The following FIG4 variants were observed in gnomAD, a reference collection of about 807,000 sequenced individuals.
FIG4 encodes the protein polyphosphoinositide phosphatase.
Under a neutral mutation model 118.6 loss-of-function variants are expected in FIG4, and 112 were observed. The ratio of observed to expected loss-of-function variants is 0.94; its 90% CI spans 0.81 to 1.11. FIG4 has a LOEUF of 1.11. Among genes scored for constraint, FIG4 ranks in the 50% least tolerant of loss-of-function variants. FIG4 has a pLI of 0.00. For missense variants in FIG4, 969 were observed against 1,111.7 expected (o/e 0.87, Z 1.83); for synonymous variants, 369 against 381.2 (o/e 0.97, Z 0.37).
intron 3 of FIG4, among the ~76,000 whole-genome samples, chr6:109,722,216 T>A (rs367676580): frequency 6.6e-6 from 1 of 151,732 alleles, no homozygotes; most frequent in Non-Finnish European, 1.5e-5. Context: ...TTTAGTGAGG[T>A]CATTTTTGGC....
At chr6:109,708,717 C>G (rs1775166422) in intron 1 of FIG4, among the ~76,000 whole-genome samples, 1 of 152,106 alleles carries the variant, frequency 6.6e-6, no homozygotes, top group Non-Finnish European at 1.5e-5. Context: ...CTCTAATAAT[C>G]AGTGATGCAG....
At chr6:109,711,263 G>A (rs185718554) in intron 1 of FIG4, among the ~76,000 whole-genome samples, 9 of 152,196 alleles carry the variant, frequency 5.9e-5, no homozygotes, top group East Asian at 5.8e-4. Flanking sequence ...TTAGCTGGAC[G>A]TGGTGGCAGG....
At chr6:109,806,402 G>C (rs1015579719) in intron 22 of FIG4, among the ~76,000 whole-genome samples, 2 of 151,980 alleles carry the variant, frequency 1.3e-5, no homozygotes, top group Non-Finnish European at 2.9e-5. Context: ...AGATACAAAG[G>C]GATAATCACA....
At position 109,716,515 on chromosome 6, in the gene FIG4, G is replaced by A. The variant is rs763255765; in HGVS notation, c.236G>A (p.Gly79Glu). 1.2e-6 allele frequency: 2 copies of A among 1,613,918 alleles called. No individual in the cohort carries two copies. Among genetic ancestry groups the A allele is most frequent in the Non-Finnish European group, 8.5e-7 (1 of 1,179,856 alleles). ...GATCTTGGAAATAGAACAAAGATGG[G>A]ACAGAAAGGATCCTCGGGCTTATTT... is the stretch of plus-strand genomic sequence containing the variant. ...RLDLGNRTKM[G>E]QKGSSGLFRA... The change falls in exon 3 of 23, where the codon GGA becomes GAA. Residue 79 changes from glycine (G) to glutamate (E), a missense_variant. Around this residue, in one of 3 missense-constraint regions of FIG4, gnomAD observed 393 missense variants for 409.4 expected, o/e 0.96. Coordinates refer to ENST00000230124, the MANE Select transcript of FIG4 (RefSeq NM_014845.6).
intron 7 of FIG4, among the ~76,000 whole-genome samples, chr6:109,739,756 C>CA (rs959217209): frequency 2.0e-4 from 30 of 151,230 alleles, no homozygotes; most frequent in African/African-American, 7.0e-4. Context: ...TAATAATGTA[C>CA]AAAAAAAAAT....
chr6:109,789,518 T>C (rs1323267664), intron 18 of FIG4, 76 bp from the exon 19 acceptor site: 55 of 1,027,100 alleles, frequency 5.4e-5, no homozygotes, highest in Non-Finnish European at 7.7e-5. Context: ...ATTGTAAGAG[T>C]GTGAACTGAG....
chr6:109,791,265 C>T, intron 19 of FIG4, 111 bp from the exon 20 acceptor site: 1 of 898,774 alleles, frequency 1.1e-6, no homozygotes, highest in East Asian at 2.4e-5. Context: ...ACTAGTGTCA[C>T]AGTCATTTTC....
At chr6:109,757,173 G>C (rs989773952) in intron 10 of FIG4, among the ~76,000 whole-genome samples, 2 of 136,486 alleles carry the variant, frequency 1.5e-5, no homozygotes, top group African/African-American at 5.3e-5. Flanking sequence ...TTGATTTTTT[G>C]AAGAGTTTTT....
intron 15 of FIG4, among the ~76,000 whole-genome samples, chr6:109,771,461 C>CTTTTTTTTTTT (rs71018367): frequency 7.0e-5 from 6 of 86,026 alleles, no homozygotes; most frequent in Non-Finnish European, 6.2e-5. Flanking sequence ...TCCTCTAATT[C>CTTTTTTTTTTT]TTTTTTTTTT....
intron 22 of FIG4, among the ~76,000 whole-genome samples, chr6:109,823,258 C>G (rs1779064435): frequency 6.6e-6 from 1 of 152,094 alleles, no homozygotes; most frequent in African/African-American, 2.4e-5. Flanking sequence ...CTCATGCTCT[C>G]TCTATAACCA....
rs934208121 is a variant in FIG4, at chr6:109,749,870, A to T, written c.1137+6098A>T. Among the ~76,000 whole-genome samples the T allele has an allele frequency of 6.1e-4, 93 of 152,340 alleles. 1 individual carries two copies. The highest frequency in any genetic ancestry group is 2.1e-3 in the African/African-American group (87 of 41,584). ...TTGTTCTATTGCAATAAAAATCCTG[A>T]CAATGACTAGAAGTTAGCTACAGAA... On this transcript the variant is annotated intron_variant, in intron 10 of 22. Transcript: ENST00000230124.
At chr6:109,774,075 G>A (rs935519100) in intron 15 of FIG4, among the ~76,000 whole-genome samples, 1 of 152,248 alleles carries the variant, frequency 6.6e-6, no homozygotes, top group South Asian at 2.1e-4. Flanking sequence ...GCCTCCCAAA[G>A]TGCTGGGATT....
At chr6:109,778,995 A>C (rs1387368363) in intron 16 of FIG4, among the ~76,000 whole-genome samples, 1 of 152,178 alleles carries the variant, frequency 6.6e-6, no homozygotes, top group Non-Finnish European at 1.5e-5. Flanking sequence ...ATTCTTATCA[A>C]TGCATATTAT....
intron 22 of FIG4, among the ~76,000 whole-genome samples, chr6:109,812,709 A>G (rs1778754115): frequency 6.6e-6 from 1 of 152,210 alleles, no homozygotes; most frequent in African/African-American, 2.4e-5. Flanking sequence ...TGAATTTAGG[A>G]AAAAATGGCA....
chr6:109,818,777 AAC>A lies in FIG4; in HGVS notation c.2547-6307_2547-6306del, dbSNP rs372372232. Among the ~76,000 whole-genome samples the A allele has an allele frequency of 1.3e-4, 20 of 152,250 alleles. No homozygotes were observed. In the East Asian group the frequency reaches 3.3e-3, roughly 25 times the overall value. On this transcript the variant is annotated intron_variant, in intron 22 of 22. Coordinates refer to ENST00000230124, the MANE Select transcript of FIG4 (RefSeq NM_014845.6). The stretch of plus-strand genomic sequence containing the variant: ...CATCACCTGTGCCACTAATCTGCAA[AAC>A]ACATACCCTGCATCCTGCTGCTTTC...
intron 22 of FIG4, among the ~76,000 whole-genome samples, chr6:109,806,699 T>C (rs1334111571): frequency 1.3e-5 from 2 of 152,184 alleles, no homozygotes; most frequent in South Asian, 2.1e-4. Flanking sequence ...TAGGTATACA[T>C]GTGCCATGGT....
intron 22 of FIG4, among the ~76,000 whole-genome samples, chr6:109,811,100 G>T (rs1778709029): frequency 6.6e-6 from 1 of 152,160 alleles, no homozygotes; most frequent in South Asian, 2.1e-4. Flanking sequence ...CACGTGCAGT[G>T]CTGAGATAAC....
chr6:109,755,634 A>G (rs1776866018), intron 10 of FIG4, among the ~76,000 whole-genome samples: 1 of 152,166 alleles, frequency 6.6e-6, no homozygotes, highest in African/African-American at 2.4e-5. Flanking sequence ...TATTGGGTGC[A>G]TATATATTTA....
chr6:109,760,390 G>A lies in FIG4; in HGVS notation c.1271+7G>A, dbSNP rs1158557424. 6 of 1,610,386 alleles carry A rather than the reference G, an allele frequency of 3.7e-6. No individual in the cohort carries two copies. The highest frequency in any genetic ancestry group is 5.1e-6 in the Non-Finnish European group (6 of 1,177,052). On this transcript the variant is annotated splice_region_variant and intron_variant, in intron 11 of 22. Coordinates refer to ENST00000230124, the MANE Select transcript of FIG4 (RefSeq NM_014845.6). ...TGGCCAAGTATACCAAAAGGTGAAT[G>A]ATACTCATCTGTCTGGCTATGATCG... is the stretch of plus-strand genomic sequence containing the variant.
Sources: gnomAD v4.1 joint callset for allele counts (sites outside exome capture counted in the v4.1 genomes callset) on GRCh38, gnomAD v4.1.1 for gene constraint, gnomAD v4.1.1 regional missense constraint, MANE v1.5 for transcripts, NCBI Gene and HGNC (gene_info 2026-07-23, HGNC 2026-07-21) for gene names.